The following TMEM178B variants were observed in gnomAD, a reference collection of about 807,000 sequenced individuals.
TMEM178B encodes the protein transmembrane protein 178B.
Under a neutral mutation model 31.0 loss-of-function variants are expected in TMEM178B, and 5 were observed. That is an observed-to-expected ratio of 0.16 (90% CI 0.08 to 0.34). The LOEUF (loss-of-function observed/expected upper bound fraction) is 0.34, where lower values mean the gene tolerates loss of function less well. Ranked by LOEUF, TMEM178B falls within the 10% of genes least tolerant of loss-of-function variation. The pLI is 1.00. For missense variants in TMEM178B, 275 were observed against 400.3 expected (o/e 0.69, Z 2.67); for synonymous variants, 164 against 164.0 (o/e 1.00, Z 0.00).
rs558703863 is a variant in TMEM178B, at chr7:141,171,522, G to A, written c.383-41069G>A. On this transcript the variant is annotated intron_variant, in intron 1 of 3. Transcript: ENST00000565468. The surrounding 1 kb of genome is among the most constrained non-coding windows in gnomAD (Gnocchi z 4.3). The stretch of plus-strand genomic sequence containing the variant: ...GGTCTTTTGACTGTTCTGCTAGTTG[G>A]TGTTTCTGGGCTGTGGGTTGGCCAG... Among the ~76,000 whole-genome samples, 36 of 152,300 alleles carry A rather than the reference G, an allele frequency of 2.4e-4. No homozygotes were observed. The South Asian group carries it at 2.5e-3, about 11-fold the overall frequency.
intron 1 of TMEM178B, among the ~76,000 whole-genome samples, chr7:141,119,860 C>A (rs1795381738): frequency 6.6e-6 from 1 of 152,130 alleles, no homozygotes; most frequent in African/African-American, 2.4e-5. Context: ...TCTTTTCCTC[C>A]TAGTGTTTGG....
chr7:141,484,078 C>T (rs1455675237), downstream of TMEM178B, among the ~76,000 whole-genome samples: 1 of 152,116 alleles, frequency 6.6e-6, no homozygotes, highest in African/African-American at 2.4e-5. The surrounding 1 kb of genome is among the most constrained non-coding windows in gnomAD (Gnocchi z 4.8). Context: ...TGCTTAGTGT[C>T]CCACACGTAC....
intron 1 of TMEM178B, among the ~76,000 whole-genome samples, chr7:141,188,614 G>A (rs541719960): frequency 6.6e-6 from 1 of 152,284 alleles, no homozygotes; most frequent in African/African-American, 2.4e-5. Context: ...TCTGTATTCA[G>A]GCCTTGTGCT....
At chr7:141,133,775 A>G (rs1265858561) in intron 1 of TMEM178B, among the ~76,000 whole-genome samples, 1 of 152,206 alleles carries the variant, frequency 6.6e-6, no homozygotes, top group African/African-American at 2.4e-5. Context: ...GATCTTCCCC[A>G]AGGCAGATTG....
intron 1 of TMEM178B, among the ~76,000 whole-genome samples, chr7:141,106,295 T>C (rs1297264720): frequency 6.6e-6 from 1 of 152,184 alleles, no homozygotes; most frequent in East Asian, 1.9e-4. Flanking sequence ...TGGCACTCTT[T>C]TTCTAGCTTG....
intron 3 of TMEM178B, among the ~76,000 whole-genome samples, chr7:141,452,114 A>G (rs1801874255): frequency 1.3e-5 from 2 of 152,224 alleles, no homozygotes; most frequent in Non-Finnish European, 2.9e-5. Flanking sequence ...ACCTAAAAAC[A>G]TGTCCGCTTG....
At chr7:141,279,102 C>G (rs1286281758) in intron 2 of TMEM178B, among the ~76,000 whole-genome samples, 1 of 152,028 alleles carries the variant, frequency 6.6e-6, no homozygotes, top group African/African-American at 2.4e-5. Flanking sequence ...ATATGCTGAC[C>G]GTCGATGGGT....
chr7:141,074,455 C>G lies in TMEM178B; in HGVS notation c.145C>G (p.Arg49Gly). The change falls in exon 1 of 4, where the codon CGC becomes GGC. Residue 49 changes from arginine to glycine, a missense_variant. Physicochemically the swap from Arg to Gly is moderately radical, Grantham distance 125. Coordinates refer to ENST00000565468, the MANE Select transcript of TMEM178B (RefSeq NM_001195278.2). The surrounding 1 kb of genome is among the most constrained non-coding windows in gnomAD (Gnocchi z 5.1). ...HRDRCKAFNT[R>G]RVDPGFIYNN... ...GGACAGGTGCAAGGCCTTCAACACC[C>G]GCCGGGTCGACCCCGGCTTCATTTA... 1 of 1,536,128 alleles carries G rather than the reference C, an allele frequency of 6.5e-7. No homozygotes were observed. The highest frequency in any genetic ancestry group is 8.7e-7 in the Non-Finnish European group (1 of 1,146,870).
chr7:141,363,894 A>G (rs554098609), intron 2 of TMEM178B, among the ~76,000 whole-genome samples: 15 of 151,962 alleles, frequency 9.9e-5, no homozygotes, highest in African/African-American at 3.4e-4. Flanking sequence ...TGTTTCTAAA[A>G]AATAAATAAA....
chr7:141,496,508 A>C, the TMEM178B span, among the ~76,000 whole-genome samples: 1 of 150,984 alleles, frequency 6.6e-6, no homozygotes, highest in African/African-American at 2.5e-5. Flanking sequence ...GTCTCTACTA[A>C]AAATACAAAA....
chr7:141,400,317 C>T (rs1048838031), intron 2 of TMEM178B, among the ~76,000 whole-genome samples: 1 of 152,202 alleles, frequency 6.6e-6, no homozygotes. Flanking sequence ...TCTATATACT[C>T]TCTTCATTTC....
At chr7:141,090,547 G>A (rs187147791) in intron 1 of TMEM178B, among the ~76,000 whole-genome samples, 1 of 152,300 alleles carries the variant, frequency 6.6e-6, no homozygotes, top group Admixed American at 6.5e-5. Flanking sequence ...GACTGATGAA[G>A]GAAAGCAGAC....
Position 141,171,091 on chromosome 7 carries a change from T to G in TMEM178B, c.383-41500T>G, listed in dbSNP as rs1796343421. Among the ~76,000 whole-genome samples the G allele has an allele frequency of 6.6e-6, 1 of 151,660 alleles. No homozygotes were observed. Among genetic ancestry groups the G allele is most frequent in the Non-Finnish European group, 1.5e-5 (1 of 67,972 alleles). Reference sequence around the variant, plus strand: ...CCTAAATATAAATTAAAATAAATACTTGAAGTGTAACTCTTCACTTTTGAA... The same window carrying G: ...CCTAAATATAAATTAAAATAAATACGTGAAGTGTAACTCTTCACTTTTGAA... On this transcript the variant is annotated intron_variant, in intron 1 of 3. Transcript: ENST00000565468. This position sits in a 1 kb window ranked among gnomAD's most constrained non-coding sequence, Gnocchi z 4.3.
At position 141,470,839 on chromosome 7, in the gene TMEM178B, A is replaced by G. The variant is rs1802227912; in HGVS notation, c.*53A>G. ...ATATAAATATATATATATAATATAC[A>G]TATATAAAACAAAACAAAACTAAAT... On this transcript the variant is annotated 3_prime_UTR_variant, in exon 4 of 4. Coordinates refer to ENST00000565468, the MANE Select transcript of TMEM178B (RefSeq NM_001195278.2). 1 of 959,362 alleles carries G rather than the reference A, an allele frequency of 1.0e-6. No homozygotes were observed. The highest frequency in any genetic ancestry group is 1.7e-5 in the African/African-American group (1 of 57,528). 59.4% of individuals were successfully genotyped at this position (959,362 alleles called of 1,614,324 possible).
intron 1 of TMEM178B, among the ~76,000 whole-genome samples, chr7:141,126,743 G>A (rs1795503239): frequency 6.6e-6 from 1 of 152,180 alleles, no homozygotes; most frequent in Non-Finnish European, 1.5e-5. Flanking sequence ...TGATGGACAG[G>A]CTAAGTTGGA....
At chr7:141,505,185 T>C in the TMEM178B span, among the ~76,000 whole-genome samples, 1 of 152,206 alleles carries the variant, frequency 6.6e-6, no homozygotes, top group African/African-American at 2.4e-5. Context: ...GTGGTTTGGA[T>C]TATAAATCCA....
At chr7:141,416,502 A>G (rs1181307381) in intron 2 of TMEM178B, 1 of 152,396 alleles carries the variant, frequency 6.6e-6, no homozygotes, top group African/African-American at 2.4e-5. Flanking sequence ...GCTGGCTATC[A>G]ATATATAAAC....
At chr7:141,180,101 T>C (rs1435252971) in intron 1 of TMEM178B, among the ~76,000 whole-genome samples, 1 of 152,066 alleles carries the variant, frequency 6.6e-6, no homozygotes, top group Non-Finnish European at 1.5e-5. Context: ...TAGAGAGAAA[T>C]GGTGTTTTTC....
Position 141,377,213 on chromosome 7 carries a change from C to T in TMEM178B, c.497-60395C>T, listed in dbSNP as rs150158536. Among the ~76,000 whole-genome samples, 1,431 of 148,486 alleles carry T rather than the reference C, an allele frequency of 9.6e-3. 17 individuals carry two copies. The highest frequency in any genetic ancestry group is 0.033 in the African/African-American group (1,327 of 40,286). ...TATTTATTTATTTGAGATGGAGTTT[C>T]GCTCTTGTCACCCAGGCTGGAGTGC... is the stretch of plus-strand genomic sequence containing the variant. On this transcript the variant is annotated intron_variant, in intron 2 of 3. Coordinates refer to ENST00000565468, the MANE Select transcript of TMEM178B (RefSeq NM_001195278.2).
Sources: allele counts gnomAD v4.1 joint callset (sites outside exome capture counted in the v4.1 genomes callset), GRCh38; gene constraint gnomAD v4.1.1; non-coding constraint Gnocchi (gnomAD v3.1); transcripts MANE v1.5; gene names NCBI Gene and HGNC (gene_info 2026-07-23, HGNC 2026-07-21).